DNM3: variants seen among roughly 807,000 people sequenced by gnomAD.
The protein encoded by DNM3 is dynamin-3.
In DNM3, 47 loss-of-function variants were observed where a neutral mutation model predicts 101.6. That is an observed-to-expected ratio of 0.46 (90% confidence interval 0.37 to 0.59). The LOEUF (loss-of-function observed/expected upper bound fraction) is 0.59. Among genes scored for constraint, DNM3 ranks in the 20% least tolerant of loss-of-function variants. The probability of loss-of-function intolerance (pLI) is 0.00; values close to 1 mark genes in which losing one functional copy is unlikely to be tolerated. For synonymous variants in DNM3, 385 were observed against 387.9 expected (o/e 0.99, Z 0.09); for missense variants, 849 against 1,085.7 (o/e 0.78, Z 3.06).
At chr1:171,971,271 G>GT (rs2043972925) in intron 2 of DNM3, among the ~76,000 whole-genome samples, 1 of 151,408 alleles carries the variant, frequency 6.6e-6, no homozygotes, top group South Asian at 2.1e-4. Flanking sequence ...TCTCCTCTTG[G>GT]TTTTTTCCCA....
At chr1:172,308,939 GACTT>G (rs1408706809) in intron 16 of DNM3, 100 bp downstream of exon 16, 1 of 582,406 alleles carries the variant, frequency 1.7e-6, no homozygotes, top group Non-Finnish European at 2.8e-6. Context: ...TTTTCTTACT[GACTT>G]AATTAATTAG....
At chr1:172,248,157 G>A (rs2062031773) in intron 14 of DNM3, among the ~76,000 whole-genome samples, 1 of 152,106 alleles carries the variant, frequency 6.6e-6, no homozygotes, top group South Asian at 2.1e-4. Flanking sequence ...AATCAAATCA[G>A]AGATATTGGT....
At chr1:172,110,091 G>GGAGTA (rs2055352392) in intron 13 of DNM3, among the ~76,000 whole-genome samples, 1 of 152,164 alleles carries the variant, frequency 6.6e-6, no homozygotes, top group South Asian at 2.1e-4. Context: ...ATAAGATAAA[G>GGAGTA]TTCTAACATT....
At chr1:172,041,900 A>G in intron 7 of DNM3, 109 bp from the exon 8 acceptor site, 1 of 1,274,566 alleles carries the variant, frequency 7.8e-7, no homozygotes, top group Non-Finnish European at 1.1e-6. Context: ...AGTAGGTGCC[A>G]CTAAGAGCAC....
At chr1:172,310,352 C>T (rs2065029360) in intron 16 of DNM3, 1 of 152,130 alleles carries the variant, frequency 6.6e-6, no homozygotes, top group Non-Finnish European at 1.5e-5. Context: ...CATTCTAGGC[C>T]CTGGTGATAC....
intron 12 of DNM3, among the ~76,000 whole-genome samples, chr1:172,087,857 T>A (rs1209889044): frequency 6.6e-6 from 1 of 152,206 alleles, no homozygotes; most frequent in Admixed American, 6.5e-5. Flanking sequence ...ATAATCTGTA[T>A]CTTGTTTACC....
At chr1:172,401,352 T>C (rs1428714265) in intron 20 of DNM3, among the ~76,000 whole-genome samples, 3 of 152,210 alleles carry the variant, frequency 2.0e-5, no homozygotes, top group African/African-American at 7.2e-5. Context: ...GAAGTGGGTA[T>C]ATTAGGCACC....
At position 172,230,928 on chromosome 1, in the gene DNM3, C is replaced by G. The variant is rs138999717; in HGVS notation, c.1660-22645C>G. ...CCCCTTTGACTAGTTTGCCCTTCCT[C>G]TCTCTTACCTCTAAATGTTGAAATG... is the stretch of plus-strand genomic sequence containing the variant. On this transcript the variant is annotated intron_variant, in intron 14 of 20. Coordinates refer to ENST00000627582, the MANE Select transcript of DNM3 (RefSeq NM_015569.5). 3.5e-3 allele frequency among the ~76,000 whole-genome samples: 540 copies of G among 152,156 alleles called. 4 individuals are homozygous for G. The highest frequency in any genetic ancestry group is 0.012 in the African/African-American group (494 of 41,550).
intron 16 of DNM3, among the ~76,000 whole-genome samples, chr1:172,322,153 G>A (rs2065746517): frequency 6.6e-6 from 1 of 152,078 alleles, no homozygotes. Flanking sequence ...ACACTCTCCT[G>A]GGATCATTAC....
chr1:172,181,950 A>G (rs1421214153), intron 14 of DNM3, among the ~76,000 whole-genome samples: 1 of 152,064 alleles, frequency 6.6e-6, no homozygotes, highest in Non-Finnish European at 1.5e-5. Context: ...GGTGCTGATG[A>G]ATCAATCTGC....
At chr1:171,863,424 CA>C (rs996383264) in intron 1 of DNM3, among the ~76,000 whole-genome samples, 1 of 151,796 alleles carries the variant, frequency 6.6e-6, no homozygotes, top group African/African-American at 2.4e-5. Context: ...GGCAGAAAGA[CA>C]GGAAAAAAGT....
chr1:172,347,356 A>G (rs2066993420), intron 17 of DNM3, among the ~76,000 whole-genome samples: 1 of 152,216 alleles, frequency 6.6e-6, no homozygotes, highest in Admixed American at 6.5e-5. Flanking sequence ...GAGAAACAAC[A>G]GGCTGTGAAA....
chr1:172,169,246 A>G (rs777580579), intron 14 of DNM3, among the ~76,000 whole-genome samples: 15 of 151,896 alleles, frequency 9.9e-5, no homozygotes, highest in Non-Finnish European at 1.9e-4. Flanking sequence ...ATCAACCTGA[A>G]TGAGCTGAGT....
intron 15 of DNM3, among the ~76,000 whole-genome samples, chr1:172,304,786 G>T (rs531563851): frequency 2.3e-4 from 35 of 152,270 alleles, no homozygotes; most frequent in Middle Eastern, 6.8e-3. Context: ...AGGACTAAGG[G>T]TTTAATAATG....
chr1:172,086,391 T>A (rs964993934), intron 12 of DNM3, among the ~76,000 whole-genome samples: 1 of 152,154 alleles, frequency 6.6e-6, no homozygotes, highest in African/African-American at 2.4e-5. Context: ...TAATCTTTCT[T>A]GGATAATATA....
chr1:172,294,049 C>T, intron 15 of DNM3, among the ~76,000 whole-genome samples: 1 of 152,172 alleles, frequency 6.6e-6, no homozygotes, highest in East Asian at 1.9e-4. Flanking sequence ...GTGGGAAGAC[C>T]TCCAAATGGA....
intron 14 of DNM3, among the ~76,000 whole-genome samples, chr1:172,234,170 G>A (rs2061445586): frequency 6.6e-6 from 1 of 152,158 alleles, no homozygotes; most frequent in South Asian, 2.1e-4. Flanking sequence ...ATCTCCTTAA[G>A]CTGATAAGCA....
At chr1:171,965,552 A>G (rs1179256082) in intron 2 of DNM3, among the ~76,000 whole-genome samples, 1 of 145,520 alleles carries the variant, frequency 6.9e-6, no homozygotes, top group African/African-American at 2.5e-5. Flanking sequence ...CCCTGTCTCA[A>G]AAAAAAAAAA....
At chr1:172,299,209 T>C (rs896493421) in intron 15 of DNM3, among the ~76,000 whole-genome samples, 6 of 152,178 alleles carry the variant, frequency 3.9e-5, no homozygotes, top group African/African-American at 1.4e-4. Context: ...CCAAGGTGGC[T>C]GGCACAGAAA....
Sources: allele counts gnomAD v4.1 joint callset (sites outside exome capture counted in the v4.1 genomes callset), GRCh38; gene constraint gnomAD v4.1.1; transcripts MANE v1.5; gene names NCBI Gene and HGNC (gene_info 2026-07-23, HGNC 2026-07-21).